The following CRACD variants were observed in gnomAD, a reference collection of about 807,000 sequenced individuals.
The protein encoded by CRACD is capping protein inhibiting regulator of actin dynamics.
Under a neutral mutation model 106.8 loss-of-function variants are expected in CRACD, and 56 were observed. The observed-to-expected ratio is 0.52, with a 90% CI of 0.42 to 0.66. CRACD has a LOEUF of 0.66. Among genes scored for constraint, CRACD ranks in the 30% least tolerant of loss-of-function variants. CRACD has a pLI of 0.00. For synonymous variants in CRACD, 754 were observed against 670.8 expected (o/e 1.12, Z -1.92); for missense variants, 1,730 against 1,623.2 (o/e 1.07, Z -1.13).
chr4:56,204,439 G>A (rs915288521), intron 2 of CRACD, among the ~76,000 whole-genome samples: 3 of 152,208 alleles, frequency 2.0e-5, no homozygotes, highest in Non-Finnish European at 4.4e-5. Context: ...CATGGTAGAA[G>A]GCAGGTGGGC....
At chr4:56,290,295 T>C (rs1743633027) in intron 3 of CRACD, among the ~76,000 whole-genome samples, 1 of 152,198 alleles carries the variant, frequency 6.6e-6, no homozygotes, top group South Asian at 2.1e-4. Context: ...TTTATCTTCC[T>C]CCTAATCTGG....
chr4:56,081,329 C>A (rs191814689), intron 1 of CRACD, among the ~76,000 whole-genome samples: 25 of 152,294 alleles, frequency 1.6e-4, no homozygotes, highest in Admixed American at 1.6e-3. Flanking sequence ...ACTGAGATAG[C>A]GCACTCAGGT....
chr4:56,290,478 A>G (rs1379390492), intron 3 of CRACD, among the ~76,000 whole-genome samples: 1 of 152,172 alleles, frequency 6.6e-6, no homozygotes, highest in Non-Finnish European at 1.5e-5. Context: ...AGAAGAGAGT[A>G]TTGGAGTGAG....
chr4:56,275,483 G>T (rs1314123519), intron 3 of CRACD, among the ~76,000 whole-genome samples: 1 of 151,972 alleles, frequency 6.6e-6, no homozygotes, highest in Non-Finnish European at 1.5e-5. Context: ...GAAAATAGAA[G>T]TAATTAAAAA....
chr4:56,058,364 T>A (rs1043651267), intron 1 of CRACD, among the ~76,000 whole-genome samples: 5 of 152,238 alleles, frequency 3.3e-5, no homozygotes, highest in Admixed American at 1.3e-4. Context: ...CCACCGCACC[T>A]GGCCTCAGAT....
At chr4:56,061,933 TC>T (rs1340132916) in intron 1 of CRACD, among the ~76,000 whole-genome samples, 1 of 152,230 alleles carries the variant, frequency 6.6e-6, no homozygotes, top group Admixed American at 6.5e-5. Flanking sequence ...TTTGATTAGT[TC>T]CACCAACGTG....
intron 1 of CRACD, among the ~76,000 whole-genome samples, chr4:56,099,477 T>C (rs1733712098): frequency 6.6e-6 from 1 of 152,174 alleles, no homozygotes; most frequent in Non-Finnish European, 1.5e-5. Context: ...AGGAACAGTA[T>C]CCTTCAGCCG....
chr4:56,170,724 G>A (rs1429487472), intron 1 of CRACD, among the ~76,000 whole-genome samples: 1 of 152,092 alleles, frequency 6.6e-6, no homozygotes, highest in Non-Finnish European at 1.5e-5. Flanking sequence ...GCCTGTAGTA[G>A]TCCCAGCTTG....
intron 1 of CRACD, among the ~76,000 whole-genome samples, chr4:56,159,376 C>A (rs181725271): frequency 6.6e-6 from 1 of 152,192 alleles, no homozygotes; most frequent in Non-Finnish European, 1.5e-5. Flanking sequence ...CTCAGCTGGA[C>A]GCGGTGGCTC....
intron 1 of CRACD, among the ~76,000 whole-genome samples, chr4:56,078,799 C>A (rs1179539145): frequency 2.6e-5 from 4 of 152,124 alleles, no homozygotes; most frequent in African/African-American, 7.2e-5. Context: ...CAGGATATGC[C>A]TGGTGGGGGT....
At chr4:56,322,806 A>G (rs1746186329) in intron 8 of CRACD, among the ~76,000 whole-genome samples, 1 of 152,184 alleles carries the variant, frequency 6.6e-6, no homozygotes, top group Non-Finnish European at 1.5e-5. Flanking sequence ...AGGCAGGTGG[A>G]TCACTTAAGG....
rs1196589410 is a variant in CRACD at position 56,057,625 on chromosome 4, G to GTTTT, written c.-336+8342_-336+8345dup. ...TACCAGAGGATTTCAGATAGGTTGG[G>GTTTT]TTTTTTTTTTTTTTTTTTTGGGAGA... On this transcript the variant is annotated intron_variant, in intron 1 of 10. Coordinates refer to ENST00000682029, the MANE Select transcript of CRACD (RefSeq NM_001393381.1). Among the ~76,000 whole-genome samples, 138 of 125,056 alleles carry GTTTT rather than the reference G, an allele frequency of 1.1e-3. 1 individual carries two copies. Among genetic ancestry groups the GTTTT allele is most frequent in the African/African-American group, 3.1e-3 (98 of 31,966 alleles). The allele number at this position is 125,056 out of a possible 152,430, so 82.0% of individuals were successfully genotyped here. A position where few individuals can be genotyped will look rare whatever the true frequency, so the allele number is the denominator to read the frequency against.
chr4:56,090,285 C>T (rs149070188), intron 1 of CRACD, among the ~76,000 whole-genome samples: 234 of 152,154 alleles, frequency 1.5e-3, no homozygotes, highest in Non-Finnish European at 2.6e-3. Context: ...GCACTGGGGT[C>T]GTCTGCCTGG....
intron 10 of CRACD, 108 bp from the exon 11 acceptor site, chr4:56,327,536 A>G: frequency 2.1e-6 from 2 of 973,768 alleles, no homozygotes; most frequent in South Asian, 3.2e-5. Flanking sequence ...TACATGACAA[A>G]TACAGTTTGT....
chr4:56,150,900 T>G (rs559891530), intron 1 of CRACD, among the ~76,000 whole-genome samples: 50 of 152,336 alleles, frequency 3.3e-4, no homozygotes, highest in South Asian at 4.1e-4. Flanking sequence ...GGGGGATGTG[T>G]GTCTTCAATT....
chr4:56,133,117 C>T (rs1734882620), intron 1 of CRACD, among the ~76,000 whole-genome samples: 1 of 152,124 alleles, frequency 6.6e-6, no homozygotes, highest in African/African-American at 2.4e-5. Flanking sequence ...TTGGTTGGAT[C>T]CTGTCACCCA....
intron 1 of CRACD, among the ~76,000 whole-genome samples, chr4:56,176,373 TG>T (rs1736582493): frequency 6.6e-6 from 1 of 152,042 alleles, no homozygotes. Context: ...TTAAGTAGTA[TG>T]GGCATTTAAC....
chr4:56,226,359 C>T (rs943307175), intron 2 of CRACD, among the ~76,000 whole-genome samples: 7 of 152,054 alleles, frequency 4.6e-5, no homozygotes, highest in African/African-American at 9.7e-5. Flanking sequence ...TGGTATATTG[C>T]GCTGCAGATC....
At chr4:56,142,774 A>G (rs1458203914) in intron 1 of CRACD, among the ~76,000 whole-genome samples, 2 of 152,126 alleles carry the variant, frequency 1.3e-5, no homozygotes, top group Non-Finnish European at 2.9e-5. Context: ...TGATTGTCAC[A>G]ACAGCAATTA....
Sources: allele counts gnomAD v4.1 joint callset (sites outside exome capture counted in the v4.1 genomes callset), GRCh38; gene constraint gnomAD v4.1.1; transcripts MANE v1.5; gene names NCBI Gene and HGNC (gene_info 2026-07-23, HGNC 2026-07-21).